FGF14: variants seen among roughly 807,000 people sequenced by gnomAD.
FGF14 encodes fibroblast growth factor homologous factor 4.
In FGF14, 5 loss-of-function variants were observed where a neutral mutation model predicts 25.5. The ratio of observed to expected loss-of-function variants is 0.20; its 90% CI spans 0.10 to 0.41. FGF14 has a LOEUF of 0.41. Ranked by LOEUF, FGF14 falls within the 10% of genes least tolerant of loss-of-function variation. The pLI, the probability that FGF14 is intolerant of heterozygous loss-of-function variation, is 1.00. For missense variants in FGF14, 222 were observed against 320.1 expected, an observed-to-expected ratio of 0.69 and a Z score of 2.34; for synonymous variants, 138 against 118.3, an observed-to-expected ratio of 1.17 and a Z score of -1.08.
Position 102,367,875 on chromosome 13 carries a change from C to G in FGF14, c.208+33596G>C, listed in dbSNP as rs1284480766. 5 of 152,428 alleles carry G rather than the reference C, an allele frequency of 3.3e-5. No individual in the cohort carries two copies. In the East Asian group the frequency reaches 9.6e-4, roughly 29 times the overall value. The allele number at this position is 152,428 out of a possible 1,614,324, so 9.4% of individuals were successfully genotyped here. ...CCCAGCCTGCCCACGGTGCGGTGAG[C>G]CCATGTGACTAGACCCCGGACGATG... On this transcript the variant is annotated intron_variant, in intron 1 of 4. Coordinates refer to the FGF14 transcript ENST00000376131.
At chr13:101,921,329 T>C (rs1014060348), upstream of FGF14, among the ~76,000 whole-genome samples, 3 of 152,158 alleles carry the variant, frequency 2.0e-5, no homozygotes, top group African/African-American at 7.2e-5. Flanking sequence ...TATTGAAACT[T>C]CTACAAAGAT....
intron 1 of FGF14, chr13:102,373,300 A>C (rs1231257738): frequency 6.6e-6 from 1 of 152,164 alleles, no homozygotes; most frequent in Non-Finnish European, 1.5e-5. Context: ...CTACATGGTA[A>C]ATTACCTTCC....
intron 1 of FGF14, among the ~76,000 whole-genome samples, chr13:101,949,048 G>A (rs2035992874): frequency 6.6e-6 from 1 of 152,114 alleles, no homozygotes; most frequent in African/African-American, 2.4e-5. Flanking sequence ...GGGCTGGGGA[G>A]ATGGGCAGCA....
At chr13:101,796,901 A>T (rs549829501) in intron 3 of FGF14, among the ~76,000 whole-genome samples, 5 of 152,116 alleles carry the variant, frequency 3.3e-5, no homozygotes, top group African/African-American at 1.2e-4. Flanking sequence ...CTATTGCTCT[A>T]CTTTCTATGT....
At chr13:101,928,024 T>TA (rs930327620) in intron 1 of FGF14, among the ~76,000 whole-genome samples, 5 of 151,858 alleles carry the variant, frequency 3.3e-5, no homozygotes, top group Admixed American at 1.3e-4. Context: ...TCAAAATATC[T>TA]AAAAAAAATA....
chr13:102,130,568 C>T (rs1463026111), intron 1 of FGF14, among the ~76,000 whole-genome samples: 1 of 152,156 alleles, frequency 6.6e-6, no homozygotes, highest in Non-Finnish European at 1.5e-5. Context: ...TTAATACCCC[C>T]TTTGTCAGAT....
intron 1 of FGF14, among the ~76,000 whole-genome samples, chr13:101,915,509 G>A (rs1382576220): frequency 6.6e-6 from 1 of 152,134 alleles, no homozygotes; most frequent in African/African-American, 2.4e-5. Flanking sequence ...CACACCACAT[G>A]CTCGCAAAAC....
At chr13:101,737,137 C>T (rs1387186532) in intron 3 of FGF14, among the ~76,000 whole-genome samples, 1 of 148,576 alleles carries the variant, frequency 6.7e-6, no homozygotes, top group Non-Finnish European at 1.5e-5. Flanking sequence ...ATTACTAATA[C>T]CAAAAATAGA....
intron 1 of FGF14, among the ~76,000 whole-genome samples, chr13:101,892,029 T>C (rs906737660): frequency 2.1e-4 from 32 of 152,130 alleles, no homozygotes; most frequent in Admixed American, 5.9e-4. Flanking sequence ...CAAGAAAAGC[T>C]ATCCAATTAC....
intron 1 of FGF14, among the ~76,000 whole-genome samples, chr13:101,940,750 C>A (rs1240350884): frequency 6.6e-6 from 1 of 152,200 alleles, no homozygotes; most frequent in East Asian, 1.9e-4. Context: ...GATCAGTCTT[C>A]CTCCTCTACA....
intron 1 of FGF14, among the ~76,000 whole-genome samples, chr13:101,895,094 GTTAATA>G (rs1439985696): frequency 2.0e-5 from 3 of 152,062 alleles, no homozygotes; most frequent in African/African-American, 4.8e-5. Flanking sequence ...TTGAAATTCT[GTTAATA>G]TTAATATCCA....
At chr13:101,862,548 G>T (rs76268991) in intron 3 of FGF14, among the ~76,000 whole-genome samples, 19 of 152,154 alleles carry the variant, frequency 1.2e-4, no homozygotes, top group African/African-American at 4.6e-4. Flanking sequence ...TTTATAACTA[G>T]TTAAATGCAG....
intron 3 of FGF14, among the ~76,000 whole-genome samples, chr13:101,838,963 C>T (rs1236294211): frequency 2.6e-5 from 4 of 151,952 alleles, no homozygotes; most frequent in African/African-American, 4.8e-5. Context: ...AAATATCAAG[C>T]GAGGTTTCAA....
At chr13:102,299,658 G>T (rs2054922318) in intron 1 of FGF14, 1 of 152,236 alleles carries the variant, frequency 6.6e-6, no homozygotes, top group Non-Finnish European at 1.5e-5. Flanking sequence ...GGTGACAGAA[G>T]GAAGGAGGAG....
chr13:102,343,460 G>C (rs566226974), intron 1 of FGF14, among the ~76,000 whole-genome samples: 8 of 152,154 alleles, frequency 5.3e-5, no homozygotes, highest in African/African-American at 1.9e-4. Context: ...TTGTTGCAAG[G>C]CCTGCTCAAG....
At chr13:102,245,433 T>A (rs1196728619) in intron 1 of FGF14, among the ~76,000 whole-genome samples, 2 of 152,070 alleles carry the variant, frequency 1.3e-5, no homozygotes, top group African/African-American at 4.8e-5. Context: ...TGGCCTTATT[T>A]TTATTTTCAT....
At chr13:101,987,080 T>C (rs985638736) in intron 1 of FGF14, among the ~76,000 whole-genome samples, 1 of 152,128 alleles carries the variant, frequency 6.6e-6, no homozygotes, top group Non-Finnish European at 1.5e-5. Flanking sequence ...GCTTAGATTA[T>C]TGTGTAAGTC....
chr13:101,774,012 GC>G (rs2038943824), intron 3 of FGF14, among the ~76,000 whole-genome samples: 1 of 151,548 alleles, frequency 6.6e-6, no homozygotes, highest in Non-Finnish European at 1.5e-5. Context: ...TCCTCTCTGA[GC>G]CCCAGTTTTC....
At chr13:101,755,628 G>C (rs1175439165) in intron 3 of FGF14, among the ~76,000 whole-genome samples, 1 of 152,194 alleles carries the variant, frequency 6.6e-6, no homozygotes, top group Admixed American at 6.5e-5. Context: ...TGAAGAAACT[G>C]CCTGAATTGC....
Sources: gnomAD v4.1 joint callset for allele counts (sites outside exome capture counted in the v4.1 genomes callset) on GRCh38, gnomAD v4.1.1 for gene constraint, MANE v1.5 for transcripts, NCBI Gene and HGNC (gene_info 2026-07-23, HGNC 2026-07-21) for gene names.